PSMA1: variants seen among roughly 807,000 people sequenced by gnomAD.
The protein encoded by PSMA1 is proteasome subunit alpha type-1.
Under a neutral mutation model 38.4 loss-of-function variants are expected in PSMA1, and 3 were observed. The ratio of observed to expected loss-of-function variants is 0.08; its 90% CI spans 0.04 to 0.20. PSMA1 has a LOEUF of 0.20. Among genes scored for constraint, PSMA1 ranks in the 10% least tolerant of loss-of-function variants. The probability of loss-of-function intolerance (pLI) is 1.00; values close to 1 mark genes in which losing one functional copy is unlikely to be tolerated. For synonymous variants in PSMA1, 101 were observed against 107.1 expected (o/e 0.94, Z 0.35); for missense variants, 227 against 325.3 (o/e 0.70, Z 2.32).
At chr11:14,529,162 A>C (rs1461962705) in intron 2 of PSMA1, among the ~76,000 whole-genome samples, 1 of 151,894 alleles carries the variant, frequency 6.6e-6, no homozygotes, top group Non-Finnish European at 1.5e-5. Context: ...TTGGTAAGTT[A>C]TGTTAGGCTT....
At chr11:14,580,082 C>G (rs1181024744) in intron 2 of PSMA1, among the ~76,000 whole-genome samples, 1 of 152,222 alleles carries the variant, frequency 6.6e-6, no homozygotes, top group Non-Finnish European at 1.5e-5. Context: ...GAGAGCGACA[C>G]TGTTGCTCAT....
chr11:14,608,384 G>A (rs1852668024), intron 2 of PSMA1, among the ~76,000 whole-genome samples: 1 of 151,600 alleles, frequency 6.6e-6, no homozygotes, highest in South Asian at 2.1e-4. Context: ...ACACAGGAAG[G>A]GGAACATCAC....
intron 2 of PSMA1, among the ~76,000 whole-genome samples, chr11:14,539,571 T>A (rs1851748112): frequency 6.6e-6 from 1 of 150,850 alleles, no homozygotes; most frequent in Non-Finnish European, 1.5e-5. Context: ...ACGGGCCGGG[T>A]GCGGTGGCTC....
At chr11:14,640,016 C>T (rs1225774503) in intron 1 of PSMA1, among the ~76,000 whole-genome samples, 2 of 152,156 alleles carry the variant, frequency 1.3e-5, no homozygotes, top group African/African-American at 4.8e-5. Flanking sequence ...ACATCTTCAC[C>T]ATTATATCTT....
rs555736132 is a variant in PSMA1 at position 14,559,714 on chromosome 11, A to C, written c.22-40673T>G. Among the ~76,000 whole-genome samples, 31 of 152,342 alleles carry C rather than the reference A, an allele frequency of 2.0e-4. No homozygotes were observed. The South Asian group carries it at 6.2e-3, about 31-fold the overall frequency. On this transcript the variant is annotated intron_variant, in intron 2 of 10. Coordinates refer to the PSMA1 transcript ENST00000418988. ...GACAAAGATGACCCAGGGATTCTTA[A>C]TATCTTTATACAGTCAAATGCTTAG... is the stretch of plus-strand genomic sequence containing the variant.
In PSMA1 at chr11:14,514,411, A is replaced by G. The variant is rs1223788226; in HGVS notation, c.335T>C (p.Ile112Thr). ...PLPVSRLVSL[I>T]GSKTQIPTQR... ...TAACATAAAAAGGATACTGCTTCCA[A>G]TTAGAGATACAAGACGAGACACAGG... The change falls in exon 5 of 10, where the codon ATT becomes ACT. Residue 112 changes from isoleucine (I) to threonine (T), a missense_variant. Transcript: ENST00000396394. 3.7e-6 allele frequency: 6 copies of G among 1,607,048 alleles called. No individual in the cohort carries two copies. The highest frequency in any genetic ancestry group is 2.7e-5 in the African/African-American group (2 of 74,660).
chr11:14,629,502 G>A (rs954105747), intron 1 of PSMA1, among the ~76,000 whole-genome samples: 5 of 151,094 alleles, frequency 3.3e-5, no homozygotes, highest in Non-Finnish European at 1.5e-5. Flanking sequence ...ATTTCTGAGG[G>A]CTCTGTTCTG....
At chr11:14,591,264 C>T (rs1391177271) in intron 2 of PSMA1, among the ~76,000 whole-genome samples, 5 of 152,208 alleles carry the variant, frequency 3.3e-5, no homozygotes, top group African/African-American at 7.2e-5. Flanking sequence ...ACCGGCGCTA[C>T]GCTCAATTTC....
chr11:14,617,567 T>G (rs972155322), intron 1 of PSMA1, among the ~76,000 whole-genome samples: 1 of 152,110 alleles, frequency 6.6e-6, no homozygotes, highest in Non-Finnish European at 1.5e-5. Flanking sequence ...TAATACACAC[T>G]AAGACTGTTA....
intron 1 of PSMA1, among the ~76,000 whole-genome samples, chr11:14,638,990 A>G (rs930607499): frequency 1.3e-5 from 2 of 152,114 alleles, no homozygotes; most frequent in Non-Finnish European, 2.9e-5. Context: ...TTTCTGGGTA[A>G]GCGTTATAGA....
At chr11:14,623,401 C>T (rs887442157) in intron 1 of PSMA1, among the ~76,000 whole-genome samples, 27 of 152,216 alleles carry the variant, frequency 1.8e-4, no homozygotes, top group Admixed American at 1.6e-3. Context: ...CTTCCCAGTG[C>T]GTGGATCTGT....
intron 2 of PSMA1, among the ~76,000 whole-genome samples, chr11:14,558,292 A>G (rs999766852): frequency 6.6e-6 from 1 of 151,324 alleles, no homozygotes; most frequent in African/African-American, 2.4e-5. Context: ...GGTGGCACAC[A>G]TCTGTAGTCC....
intron 2 of PSMA1, 66 bp downstream of exon 2, chr11:14,518,931 A>G (rs1851479281): frequency 1.5e-6 from 2 of 1,294,208 alleles, no homozygotes; most frequent in African/African-American, 1.5e-5. Flanking sequence ...CGCTCTCACA[A>G]GTTTCTAAAT....
chr11:14,535,321 C>T (rs1851691990), intron 2 of PSMA1, among the ~76,000 whole-genome samples: 1 of 151,998 alleles, frequency 6.6e-6, no homozygotes, highest in Non-Finnish European at 1.5e-5. Flanking sequence ...AAAGCCATGG[C>T]ACACTTGAGT....
At chr11:14,613,081 A>G (rs916801449) in intron 1 of PSMA1, among the ~76,000 whole-genome samples, 1 of 152,130 alleles carries the variant, frequency 6.6e-6, no homozygotes, top group Admixed American at 6.5e-5. Context: ...CATTTTTTCT[A>G]AAGTTATTTT....
intron 1 of PSMA1, among the ~76,000 whole-genome samples, chr11:14,618,852 T>C (rs1198023516): frequency 1.3e-5 from 2 of 152,260 alleles, no homozygotes; most frequent in African/African-American, 4.8e-5. Context: ...TTACAGTTTA[T>C]AAAGTATTTT....
At chr11:14,563,832 C>T (rs947591787) in intron 2 of PSMA1, among the ~76,000 whole-genome samples, 1 of 152,034 alleles carries the variant, frequency 6.6e-6, no homozygotes, top group African/African-American at 2.4e-5. Context: ...AATATATTTC[C>T]TAGTTTCTAA....
chr11:14,515,712 T>C (rs10832281), intron 4 of PSMA1, among the ~76,000 whole-genome samples: 151,290 of 151,730 alleles, frequency 1, 75,427 homozygotes, highest in Middle Eastern at 1. Context: ...TGCCACCACG[T>C]TCAGCTAATT....
At chr11:14,563,438 C>T (rs1852033101) in intron 2 of PSMA1, among the ~76,000 whole-genome samples, 1 of 152,198 alleles carries the variant, frequency 6.6e-6, no homozygotes, top group Non-Finnish European at 1.5e-5. Flanking sequence ...CTTAAACCCC[C>T]TAATGGCACA....
Sources: allele counts gnomAD v4.1 joint callset (sites outside exome capture counted in the v4.1 genomes callset), GRCh38; gene constraint gnomAD v4.1.1; transcripts MANE v1.5; gene names NCBI Gene and HGNC (gene_info 2026-07-23, HGNC 2026-07-21).